The following FRMD4A variants were observed in gnomAD, a reference collection of about 807,000 sequenced individuals.
FRMD4A encodes the protein FERM domain-containing protein 4A.
In FRMD4A, 29 loss-of-function variants were observed where a neutral mutation model predicts 129.1. That is an observed-to-expected ratio of 0.22 (90% CI 0.17 to 0.31). The LOEUF is 0.31. FRMD4A is among the 10% of genes least tolerant of loss of function. The probability of loss-of-function intolerance (pLI) is 1.00; values close to 1 mark genes in which losing one functional copy is unlikely to be tolerated. For synonymous variants in FRMD4A, 634 were observed against 571.6 expected, an observed-to-expected ratio of 1.11 and a Z score of -1.56; for missense variants, 1,272 against 1,375.8, an observed-to-expected ratio of 0.92 and a Z score of 1.19.
At chr10:14,050,927 T>C (rs746868828) in intron 2 of FRMD4A, among the ~76,000 whole-genome samples, 5 of 152,188 alleles carry the variant, frequency 3.3e-5, no homozygotes, top group Non-Finnish European at 7.3e-5. Context: ...TGCAAGTCAT[T>C]CTAGCAAATG....
chr10:14,266,185 G>A (rs923540725), intron 2 of FRMD4A, among the ~76,000 whole-genome samples: 18 of 151,938 alleles, frequency 1.2e-4, no homozygotes, highest in South Asian at 4.2e-4. Flanking sequence ...GGGCTTTCCC[G>A]TGCATTGTAG....
intron 2 of FRMD4A, among the ~76,000 whole-genome samples, chr10:14,243,499 TCA>T: frequency 1.3e-5 from 2 of 152,260 alleles, no homozygotes; most frequent in East Asian, 3.9e-4. Context: ...TTACCCAGTC[TCA>T]GGCAGTTCTT....
intron 6 of FRMD4A, among the ~76,000 whole-genome samples, chr10:13,770,874 G>A (rs1156496241): frequency 6.6e-6 from 1 of 152,128 alleles, no homozygotes; most frequent in Non-Finnish European, 1.5e-5. Context: ...ACAAGGGCAT[G>A]CTCTAAACCT....
intron 2 of FRMD4A, among the ~76,000 whole-genome samples, chr10:14,243,088 A>G (rs1388508498): frequency 6.6e-6 from 1 of 152,048 alleles, no homozygotes; most frequent in Non-Finnish European, 1.5e-5. Flanking sequence ...ATACACACAC[A>G]CATGCTGGAA....
chr10:14,181,426 TGA>T (rs1013899606), intron 2 of FRMD4A, among the ~76,000 whole-genome samples: 6 of 152,180 alleles, frequency 3.9e-5, no homozygotes, highest in African/African-American at 1.4e-4. Context: ...AGGAGAAAGC[TGA>T]GAGACAGGCA....
At chr10:14,156,519 T>C (rs1840611817) in intron 2 of FRMD4A, among the ~76,000 whole-genome samples, 1 of 152,094 alleles carries the variant, frequency 6.6e-6, no homozygotes, top group Non-Finnish European at 1.5e-5. Context: ...AGATGATAAA[T>C]ACCAAATTCA....
At chr10:14,318,919 G>C (rs150159422) in intron 2 of FRMD4A, among the ~76,000 whole-genome samples, 65 of 152,314 alleles carry the variant, frequency 4.3e-4, no homozygotes, top group African/African-American at 1.5e-3. Flanking sequence ...TGACTTCTGA[G>C]GCTAGGTTAT....
intron 2 of FRMD4A, among the ~76,000 whole-genome samples, chr10:13,978,475 T>G (rs2095549715): frequency 6.6e-6 from 1 of 152,146 alleles, no homozygotes; most frequent in South Asian, 2.1e-4. Context: ...AAGTTACCAT[T>G]TGCCATTTTC....
At chr10:13,842,415 C>A (rs1467326743) in intron 3 of FRMD4A, among the ~76,000 whole-genome samples, 1 of 152,214 alleles carries the variant, frequency 6.6e-6, no homozygotes, top group African/African-American at 2.4e-5. Flanking sequence ...ATGGTCCCAG[C>A]CCCCACTGAT....
intron 2 of FRMD4A, among the ~76,000 whole-genome samples, chr10:13,865,449 T>TTTTA (rs2094354017): frequency 1.4e-5 from 2 of 146,392 alleles, no homozygotes; most frequent in African/African-American, 5.2e-5. Flanking sequence ...TTTTATTTTA[T>TTTTA]TTTATTTTAT....
At chr10:14,277,590 A>T (rs1371853206) in intron 2 of FRMD4A, among the ~76,000 whole-genome samples, 1 of 152,228 alleles carries the variant, frequency 6.6e-6, no homozygotes, top group Non-Finnish European at 1.5e-5. Flanking sequence ...TTATGGTATT[A>T]GCACTTACTT....
intron 2 of FRMD4A, among the ~76,000 whole-genome samples, chr10:14,089,563 C>A (rs1401341005): frequency 7.1e-6 from 1 of 141,562 alleles, no homozygotes; most frequent in Non-Finnish European, 1.5e-5. Context: ...TCATTAGGGG[C>A]TTGGCCCTGA....
At chr10:13,896,246 A>G (rs1269792722) in intron 2 of FRMD4A, among the ~76,000 whole-genome samples, 1 of 152,248 alleles carries the variant, frequency 6.6e-6, no homozygotes, top group Non-Finnish European at 1.5e-5. Flanking sequence ...ACTATTTACA[A>G]TAGCAAAGAC....
intron 2 of FRMD4A, among the ~76,000 whole-genome samples, chr10:14,035,536 T>C (rs1433142502): frequency 6.6e-6 from 1 of 152,072 alleles, no homozygotes; most frequent in African/African-American, 2.4e-5. Context: ...ACAGGAGAGA[T>C]AAAAATATTG....
intron 2 of FRMD4A, among the ~76,000 whole-genome samples, chr10:14,064,640 C>T (rs1207338081): frequency 2.0e-5 from 3 of 152,228 alleles, no homozygotes; most frequent in South Asian, 2.1e-4. Flanking sequence ...TACAGTGGCG[C>T]GATCTCGGCT....
At chr10:13,654,617 C>T in intron 22 of FRMD4A, 105 bp from the exon 23 acceptor site, 1 of 702,330 alleles carries the variant, frequency 1.4e-6, no homozygotes. Flanking sequence ...CCAGAGGTCA[C>T]CATTTCCAGG....
chr10:14,102,720 T>G (rs1355415073), intron 2 of FRMD4A, among the ~76,000 whole-genome samples: 1 of 151,398 alleles, frequency 6.6e-6, no homozygotes, highest in African/African-American at 2.4e-5. Flanking sequence ...TTACTCAAAT[T>G]AGATGGATTT....
intron 16 of FRMD4A, among the ~76,000 whole-genome samples, chr10:13,670,934 C>G (rs2083460228): frequency 6.6e-6 from 1 of 152,178 alleles, no homozygotes; most frequent in Non-Finnish European, 1.5e-5. Context: ...CTCTCTAACT[C>G]CAAATCCCGT....
intron 2 of FRMD4A, among the ~76,000 whole-genome samples, chr10:14,281,112 C>T (rs1452323432): frequency 6.6e-6 from 1 of 150,722 alleles, no homozygotes; most frequent in Non-Finnish European, 1.5e-5. Context: ...CCTGCCTCAG[C>T]CCCCCAAGTA....
Sources: gnomAD v4.1 joint callset for allele counts (sites outside exome capture counted in the v4.1 genomes callset) on GRCh38, gnomAD v4.1.1 for gene constraint, MANE v1.5 for transcripts, NCBI Gene and HGNC (gene_info 2026-07-23, HGNC 2026-07-21) for gene names.